NAALADL2: variants seen among roughly 807,000 people sequenced by gnomAD.
NAALADL2 encodes the protein inactive N-acetylated-alpha-linked acidic dipeptidase-like protein 2.
A neutral mutation model predicts 87.2 loss-of-function variants in NAALADL2; 76 were observed. That is an observed-to-expected ratio of 0.87 (90% confidence interval 0.72 to 1.05). The LOEUF (loss-of-function observed/expected upper bound fraction) is 1.05. Ranked by LOEUF, NAALADL2 falls within the 50% of genes least tolerant of loss-of-function variation. The pLI is 0.00. For synonymous variants in NAALADL2, 354 were observed against 331.0 expected (o/e 1.07, Z -0.75); for missense variants, 1,089 against 945.8 (o/e 1.15, Z -1.99).
rs556181258 is a variant in NAALADL2 at position 174,657,972 on chromosome 3, C to T, written c.-114-79669C>T. On this transcript the variant is annotated intron_variant, in intron 2 of 3. Transcript: ENST00000434257. ...ATAGCTCATTTCTTTTTAACGCCAT[C>T]TAATTCATGAATAATACCCCACTTT... Among the ~76,000 whole-genome samples the T allele has an allele frequency of 5.1e-4, 78 of 152,292 alleles. 1 individual carries two copies. The South Asian group carries it at 0.016, about 31-fold the overall frequency.
At chr3:174,845,492 G>A (rs1400119900) in intron 3 of NAALADL2, among the ~76,000 whole-genome samples, 1 of 152,176 alleles carries the variant, frequency 6.6e-6, no homozygotes, top group East Asian at 1.9e-4. Context: ...GGTAGGGCAA[G>A]ACCATTTCCC....
At chr3:175,280,226 C>A in intron 4 of NAALADL2, among the ~76,000 whole-genome samples, 1 of 151,926 alleles carries the variant, frequency 6.6e-6, no homozygotes, top group East Asian at 1.9e-4. Flanking sequence ...AATTTTATAT[C>A]GATTTCCTTT....
chr3:175,649,152 A>G (rs1730410678), intron 11 of NAALADL2, among the ~76,000 whole-genome samples: 1 of 152,188 alleles, frequency 6.6e-6, no homozygotes, highest in African/African-American at 2.4e-5. Context: ...AATTTATTTC[A>G]TAATATTTTA....
intron 1 of NAALADL2, among the ~76,000 whole-genome samples, chr3:174,954,380 A>G (rs921275368): frequency 6.6e-6 from 1 of 152,144 alleles, no homozygotes; most frequent in African/African-American, 2.4e-5. Context: ...ACTGTACTGC[A>G]TTGAGGGTGC....
At chr3:175,276,131 C>T (rs968334455) in intron 4 of NAALADL2, among the ~76,000 whole-genome samples, 6 of 109,950 alleles carry the variant, frequency 5.5e-5, no homozygotes, top group Admixed American at 2.0e-4. Context: ...TACATAAGAA[C>T]ATCATGAAGT....
chr3:175,568,553 G>A (rs944951943), intron 9 of NAALADL2, among the ~76,000 whole-genome samples: 3 of 152,152 alleles, frequency 2.0e-5, no homozygotes, highest in African/African-American at 7.2e-5. Flanking sequence ...GAAGTGAAAA[G>A]TTCTGGGATT....
In NAALADL2 at chr3:175,467,124, T is replaced by C. The variant is rs989421273; in HGVS notation, c.1473T>C (p.Ile491=). The change falls in exon 8 of 14, where the codon ATT becomes ATC. Residue 491 remains isoleucine (I), a synonymous_variant. Coordinates refer to ENST00000454872, the MANE Select transcript of NAALADL2 (RefSeq NM_207015.3). ...VKRGWRPDRT[I]VFCSWGGTAF... is the part of the protein sequence containing the mutation. ...GAGGGTGGAGACCAGACCGAACTAT[T>C]GTTTTCTGTTCTTGGGGAGGAACAG... 7 of 1,613,790 alleles carry C rather than the reference T, an allele frequency of 4.3e-6. 1 individual carries two copies. In the Admixed American group the frequency reaches 5.0e-5, roughly 12 times the overall value.
intron 1 of NAALADL2, among the ~76,000 whole-genome samples, chr3:174,895,945 G>C (rs560012690): frequency 1.3e-5 from 2 of 152,084 alleles, no homozygotes; most frequent in South Asian, 4.1e-4. Flanking sequence ...AAAAAAATAT[G>C]ATTATTCCAA....
chr3:174,962,398 CA>C (rs1457976024), intron 1 of NAALADL2, among the ~76,000 whole-genome samples: 8 of 100,760 alleles, frequency 7.9e-5, no homozygotes, highest in African/African-American at 3.3e-4. Context: ...ATATATATGT[CA>C]TAGTGACTAT....
intron 10 of NAALADL2, among the ~76,000 whole-genome samples, chr3:175,584,383 G>A (rs1237825833): frequency 6.7e-6 from 1 of 148,228 alleles, no homozygotes; most frequent in Non-Finnish European, 1.5e-5. Flanking sequence ...GCACAAAGCA[G>A]TTAAGAAAAC....
rs149441007 is a variant in NAALADL2 at position 174,877,929 on chromosome 3, T to C, written c.43+18479T>C. Among the ~76,000 whole-genome samples, 875 of 152,166 alleles carry C rather than the reference T, an allele frequency of 5.8e-3. 4 individuals carry two copies. The highest frequency in any genetic ancestry group is 0.02 in the African/African-American group (838 of 41,558). On this transcript the variant is annotated intron_variant, in intron 1 of 13. Transcript: ENST00000454872. ...CATAAGTGGAATAACTGGTTAGGGA[T>C]GATATAGTGGAGACTCATGTAGTTA...
At chr3:175,718,009 A>G (rs1465856579) in intron 11 of NAALADL2, among the ~76,000 whole-genome samples, 3 of 151,468 alleles carry the variant, frequency 2.0e-5, no homozygotes, top group Non-Finnish European at 4.4e-5. Context: ...TTGTTGTTAT[A>G]GCACAACTTA....
intron 9 of NAALADL2, among the ~76,000 whole-genome samples, chr3:175,575,580 C>T (rs1429243876): frequency 2.6e-5 from 4 of 152,050 alleles, no homozygotes; most frequent in African/African-American, 7.2e-5. Context: ...CCACCACGCC[C>T]GGCCTCTTCT....
chr3:175,721,443 G>T lies in NAALADL2; in HGVS notation c.1897-15863G>T, dbSNP rs191605199. Among the ~76,000 whole-genome samples, 429 of 152,174 alleles carry T rather than the reference G, an allele frequency of 2.8e-3. 4 individuals are homozygous for T. Among genetic ancestry groups the T allele is most frequent in the Middle Eastern group, 0.01 (3 of 294 alleles). ...ACTGGATTTTTGACTTTTAAGAAATGCAGTTACATATTAATTTCATGTCAC... is the reference window on the plus strand; with the variant it reads ...ACTGGATTTTTGACTTTTAAGAAATTCAGTTACATATTAATTTCATGTCAC... On this transcript the variant is annotated intron_variant, in intron 11 of 13. Transcript: ENST00000454872.
chr3:175,420,130 C>G (rs535315725), intron 5 of NAALADL2, among the ~76,000 whole-genome samples: 2 of 151,924 alleles, frequency 1.3e-5, no homozygotes, highest in African/African-American at 4.8e-5. Context: ...TACAGATGCC[C>G]GCAGTTAGAT....
At chr3:174,746,431 GA>G in intron 3 of NAALADL2, among the ~76,000 whole-genome samples, 2 of 152,152 alleles carry the variant, frequency 1.3e-5, no homozygotes, top group South Asian at 4.2e-4. Context: ...AATTAAGAGA[GA>G]ACACAAACAA....
chr3:174,820,305 AATT>A (rs1345540026), intron 3 of NAALADL2, among the ~76,000 whole-genome samples: 1 of 152,154 alleles, frequency 6.6e-6, no homozygotes, highest in Non-Finnish European at 1.5e-5. Context: ...AGATTTGTAA[AATT>A]ATTAAGTTGA....
chr3:175,206,413 G>A (rs1179948623), intron 2 of NAALADL2, among the ~76,000 whole-genome samples: 2 of 151,152 alleles, frequency 1.3e-5, no homozygotes, highest in African/African-American at 4.9e-5. Flanking sequence ...AGCATTTGCA[G>A]CTACCTGGAT....
At chr3:175,107,872 C>CT (rs1266475567) in intron 2 of NAALADL2, among the ~76,000 whole-genome samples, 2 of 151,684 alleles carry the variant, frequency 1.3e-5, no homozygotes, top group Non-Finnish European at 2.9e-5. Context: ...TTTTCTTCAA[C>CT]TTATTCAGTT....
Sources: allele counts gnomAD v4.1 joint callset (sites outside exome capture counted in the v4.1 genomes callset), GRCh38; gene constraint gnomAD v4.1.1; transcripts MANE v1.5; gene names NCBI Gene and HGNC (gene_info 2026-07-23, HGNC 2026-07-21).